FBXL17: variants seen among roughly 807,000 people sequenced by gnomAD.
FBXL17 encodes the protein F-box and leucine rich repeat protein 17.
Under a neutral mutation model 66.2 loss-of-function variants are expected in FBXL17, and 22 were observed. That is an observed-to-expected ratio of 0.33 (90% CI 0.24 to 0.47). The LOEUF is 0.47. Ranked by LOEUF, FBXL17 falls within the 20% of genes least tolerant of loss-of-function variation. The pLI is 1.00. For synonymous variants in FBXL17, 474 were observed against 400.5 expected, an observed-to-expected ratio of 1.18 and a Z score of -2.19; for missense variants, 878 against 948.2, an observed-to-expected ratio of 0.93 and a Z score of 0.97.
At chr5:108,299,682 G>A (rs1758500099) in intron 4 of FBXL17, 1 of 984,182 alleles carries the variant, frequency 1.0e-6, no homozygotes, top group African/African-American at 1.8e-5. Context: ...GCCTGCCCCT[G>A]TTCATGATTG....
intron 4 of FBXL17, among the ~76,000 whole-genome samples, chr5:108,262,421 AT>A (rs1756875833): frequency 6.6e-6 from 1 of 152,180 alleles, no homozygotes; most frequent in East Asian, 1.9e-4. Flanking sequence ...GTCCCAGAAA[AT>A]ATATACATCA....
chr5:108,165,945 A>C (rs1752399519), intron 6 of FBXL17, among the ~76,000 whole-genome samples: 1 of 152,190 alleles, frequency 6.6e-6, no homozygotes, highest in Non-Finnish European at 1.5e-5. Flanking sequence ...TGTTATTGAA[A>C]ATATGATTAT....
At chr5:108,272,912 G>A (rs1012249756) in intron 4 of FBXL17, among the ~76,000 whole-genome samples, 4 of 152,134 alleles carry the variant, frequency 2.6e-5, no homozygotes, top group African/African-American at 7.2e-5. Flanking sequence ...AACCTGCCCC[G>A]ATATTCACGT....
At chr5:108,347,494 T>C (rs1031017998) in intron 4 of FBXL17, among the ~76,000 whole-genome samples, 3 of 152,216 alleles carry the variant, frequency 2.0e-5, no homozygotes, top group African/African-American at 7.2e-5. Context: ...CTTTGGAATA[T>C]TATTCAGCCA....
At chr5:107,914,936 T>C (rs1034200801) in intron 7 of FBXL17, among the ~76,000 whole-genome samples, 4 of 152,186 alleles carry the variant, frequency 2.6e-5, no homozygotes, top group African/African-American at 4.8e-5. Context: ...TCAGTTGAGT[T>C]GCTGTTTTTA....
At chr5:107,871,538 T>C (rs1172643693) in intron 8 of FBXL17, among the ~76,000 whole-genome samples, 1 of 152,158 alleles carries the variant, frequency 6.6e-6, no homozygotes, top group East Asian at 1.9e-4. Flanking sequence ...TCCAGCCAAG[T>C]GCATGCAAGC....
intron 6 of FBXL17, among the ~76,000 whole-genome samples, chr5:108,125,707 C>G (rs1750671660): frequency 6.6e-6 from 1 of 151,956 alleles, no homozygotes; most frequent in Admixed American, 6.6e-5. Flanking sequence ...TTTACATATA[C>G]TCTTCATTAG....
At chr5:107,866,110 T>C (rs144195628) in intron 8 of FBXL17, among the ~76,000 whole-genome samples, 83 of 152,120 alleles carry the variant, frequency 5.5e-4, no homozygotes, top group Middle Eastern at 3.4e-3. Flanking sequence ...AATTTCCCCA[T>C]GATCCCTGGT....
intron 4 of FBXL17, among the ~76,000 whole-genome samples, chr5:108,232,417 T>C (rs1755386283): frequency 6.6e-6 from 1 of 152,060 alleles, no homozygotes; most frequent in African/African-American, 2.4e-5. Context: ...TGATGATTAA[T>C]ACTGTCAACT....
At chr5:108,298,343 T>C in intron 4 of FBXL17, 1 of 983,874 alleles carries the variant, frequency 1.0e-6, no homozygotes, top group Non-Finnish European at 1.2e-6. Context: ...ATCGTTTTTG[T>C]ATAAAATCTG....
intron 7 of FBXL17, among the ~76,000 whole-genome samples, chr5:108,009,900 A>G (rs767138270): frequency 6.6e-6 from 1 of 152,176 alleles, no homozygotes; most frequent in Non-Finnish European, 1.5e-5. Flanking sequence ...AACGTGTGGG[A>G]TCTGATGAGC....
chr5:108,158,142 GACTCATCTATAAAACTATTAAA>G (rs1212121551), intron 6 of FBXL17, among the ~76,000 whole-genome samples: 3 of 152,062 alleles, frequency 2.0e-5, no homozygotes, highest in Non-Finnish European at 4.4e-5. Flanking sequence ...AAATTCAAGA[GACTCATCTATAAAACTATTAAA>G]ACTCATCTAT....
At chr5:108,103,795 T>C (rs550207832) in intron 6 of FBXL17, among the ~76,000 whole-genome samples, 43 of 152,332 alleles carry the variant, frequency 2.8e-4, no homozygotes, top group African/African-American at 1.0e-3. Context: ...GTCTCTTCCG[T>C]AGTTTTTGTA....
chr5:108,008,740 C>T lies in FBXL17; in HGVS notation c.1822+12185G>A, dbSNP rs946496851. 2.0e-5 allele frequency among the ~76,000 whole-genome samples: 3 copies of T among 152,012 alleles called. No homozygotes were observed. The South Asian group carries it at 6.2e-4, about 32-fold the overall frequency. On this transcript the variant is annotated intron_variant, in intron 7 of 8. Transcript: ENST00000542267. ...TTGTGAGTTGCTCCCTATACAAGTG[C>T]CTGCTCCTCAGAACACCAGAGACAC... is the stretch of plus-strand genomic sequence containing the variant.
intron 8 of FBXL17, 73 bp downstream of exon 8, chr5:107,880,962 GGA>G: frequency 6.2e-7 from 1 of 1,611,812 alleles, no homozygotes; most frequent in Non-Finnish European, 8.5e-7. Context: ...AGATAGAGAA[GGA>G]GAGAGGATAT....
At chr5:108,162,754 T>C (rs1346723919) in intron 6 of FBXL17, among the ~76,000 whole-genome samples, 1 of 152,180 alleles carries the variant, frequency 6.6e-6, no homozygotes. Flanking sequence ...ACAATAACAG[T>C]ATCACCTCAC....
chr5:108,294,374 T>C (rs1386946961), intron 4 of FBXL17, among the ~76,000 whole-genome samples: 1 of 151,476 alleles, frequency 6.6e-6, no homozygotes, highest in Non-Finnish European at 1.5e-5. Flanking sequence ...CTTATTTTAT[T>C]GTCTGAAGTG....
At chr5:107,882,697 T>C (rs1178251218) in intron 7 of FBXL17, among the ~76,000 whole-genome samples, 2 of 152,216 alleles carry the variant, frequency 1.3e-5, no homozygotes. Flanking sequence ...AATTGTTCTC[T>C]CTGGTATCAT....
chr5:108,148,483 C>G (rs1328222865), intron 6 of FBXL17, among the ~76,000 whole-genome samples: 1 of 152,190 alleles, frequency 6.6e-6, no homozygotes, highest in Non-Finnish European at 1.5e-5. Context: ...CTGCCTGGTT[C>G]ATGAATCACT....
Sources: allele counts gnomAD v4.1 joint callset (sites outside exome capture counted in the v4.1 genomes callset), GRCh38; gene constraint gnomAD v4.1.1; transcripts MANE v1.5; gene names NCBI Gene and HGNC (gene_info 2026-07-23, HGNC 2026-07-21).